TMC4: variants seen among roughly 807,000 people sequenced by gnomAD.
TMC4 encodes voltage-gated chloride channel TMC4.
Under a neutral mutation model 82.0 loss-of-function variants are expected in TMC4, and 70 were observed. That is an observed-to-expected ratio of 0.85 (90% CI 0.70 to 1.04). TMC4 has a LOEUF of 1.04. Among genes scored for constraint, TMC4 ranks in the 50% least tolerant of loss-of-function variants. The probability of loss-of-function intolerance (pLI) is 0.00; values close to 1 mark genes in which losing one functional copy is unlikely to be tolerated. For synonymous variants in TMC4, 446 were observed against 406.0 expected (o/e 1.10, Z -1.18); for missense variants, 879 against 899.0 (o/e 0.98, Z 0.28).
At position 54,168,780 on chromosome 19, in the gene TMC4, TTTCTTTTCTTTTC is replaced by T. The variant is rs1600580505; in HGVS notation, c.443-113_443-101del. 26 of 329,360 alleles carry T rather than the reference TTTCTTTTCTTTTC, an allele frequency of 7.9e-5. 2 individuals carry two copies. Among genetic ancestry groups the T allele is most frequent in the Middle Eastern group, 7.0e-4 (1 of 1,422 alleles). The allele number at this position is 329,360 out of a possible 1,614,324, so 20.4% of individuals were successfully genotyped here. ...GTCCAGCCGCGCCTTCCTTTCTTTC[TTTCTTTTCTTTTC>T]TTTCTTTTCTTTTCTTTTCTTTTCT... On this transcript the variant is annotated intron_variant, in intron 3 of 14. Coordinates refer to ENST00000619895, the MANE Select transcript of TMC4 (RefSeq NM_144686.4).
chr19:54,165,498 A>T lies in TMC4; in HGVS notation c.866T>A (p.Val289Glu). ...SEALTSYSHR[V>E]FSAWDFGLCG... ...GAGACCGAAGTCCCAGGCCGAGAAC[A>T]CCCGGTGGCTGTAGCTGGTCAGAGC... Residue 289 changes from valine to glutamate, a missense_variant, in exon 6 of 15, where the codon GTG (valine) becomes GAG (glutamate). Coordinates refer to ENST00000619895, the MANE Select transcript of TMC4 (RefSeq NM_144686.4). 6.2e-7 allele frequency: 1 copy of T among 1,612,912 alleles called. No individual in the cohort carries two copies. The highest frequency in any genetic ancestry group is 1.1e-5 in the South Asian group (1 of 90,992).
rs1600548727 is a variant in TMC4, at chr19:54,161,221, A to G, written c.1726T>C (p.Phe576Leu). The G allele has an allele frequency of 1.3e-6, 2 of 1,578,220 alleles. No individual in the cohort carries two copies. Among genetic ancestry groups the G allele is most frequent in the East Asian group, 4.5e-5 (2 of 44,478 alleles). ...AAGAAATTCGCCGCGGAGGCCCGGA[A>G]GGTGCGGGCAGCCGGGGAGCAGGTG... ...FSTCSPAART[F>L]RASAANFFFP... The change falls in exon 12 of 15, where the codon TTC (phenylalanine) becomes CTC (leucine). Residue 576 changes from phenylalanine (F) to leucine (L), a missense_variant. Phe to Leu is a conservative substitution (Grantham distance 22). Transcript: ENST00000619895.
intron 10 of TMC4, 116 bp from the exon 11 acceptor site, chr19:54,162,401 G>C (rs2075584982): frequency 2.5e-6 from 2 of 794,394 alleles, no homozygotes; most frequent in Non-Finnish European, 3.8e-6. Context: ...GGGGGGGGGG[G>C]GGCGGGACTT....
intron 10 of TMC4, 116 bp from the exon 11 acceptor site, chr19:54,162,401 G>T: frequency 1.3e-6 from 1 of 794,496 alleles, no homozygotes; most frequent in Non-Finnish European, 1.9e-6. Flanking sequence ...GGGGGGGGGG[G>T]GGCGGGACTT....
At position 54,162,284 on chromosome 19, in the gene TMC4, G is replaced by A; in HGVS notation, c.1504C>T (p.Leu502Phe). 2 of 1,564,314 alleles carry A rather than the reference G, an allele frequency of 1.3e-6. No homozygotes were observed. Among genetic ancestry groups the A allele is most frequent in the Non-Finnish European group, 1.7e-6 (2 of 1,157,412 alleles). The change falls in exon 11 of 15, where the codon CTC becomes TTC. Residue 502 changes from leucine (L) to phenylalanine (F), a missense_variant and splice_region_variant. By Grantham distance (22) the Leu-to-Phe change is conservative (BLOSUM62 0). Coordinates refer to ENST00000619895, the MANE Select transcript of TMC4 (RefSeq NM_144686.4). Reference protein sequence around the residue: ...VALLIQFPRKLLCGLCPGALG... With the variant: ...VALLIQFPRKFLCGLCPGALG... ...GCCCCAGGACAGAGGCCACAGAGGAGCCTGAAGGACGGGGCGGGGCCGGGC... is the reference window on the plus strand; with the variant it reads ...GCCCCAGGACAGAGGCCACAGAGGAACCTGAAGGACGGGGCGGGGCCGGGC...
At position 54,163,793 on chromosome 19, in the gene TMC4, G is replaced by T. The variant is rs773074209; in HGVS notation, c.1208C>A (p.Pro403His). 14 of 1,613,944 alleles carry T rather than the reference G, an allele frequency of 8.7e-6. No individual in the cohort carries two copies. In the South Asian group the frequency reaches 1.5e-4, roughly 18 times the overall value. The change falls in exon 8 of 15, where the codon CCC becomes CAC. Residue 403 changes from proline (P) to histidine (H), a missense_variant. Physicochemically the swap from Pro to His is moderately conservative, Grantham distance 77. Coordinates refer to ENST00000619895, the MANE Select transcript of TMC4 (RefSeq NM_144686.4). ...FIAGVNFVLPPVFKLIAPLEG... is the reference protein window; with the variant it reads ...FIAGVNFVLPHVFKLIAPLEG... ...CAGTGGAGCAATGAGCTTGAACACG[G>T]GCGGCAGCACAAAATTGACCCCAGC...
chr19:54,169,460 G>A (rs1210020414), intron 3 of TMC4, 52 bp downstream of exon 3: 1 of 1,528,800 alleles, frequency 6.5e-7, no homozygotes, highest in Non-Finnish European at 8.8e-7. Flanking sequence ...TCCTCCCTCA[G>A]ACCCAGGAGT....
intron 2 of TMC4, 59 bp from the exon 3 acceptor site, chr19:54,169,719 G>A: frequency 1.3e-6 from 2 of 1,594,656 alleles, no homozygotes; most frequent in Non-Finnish European, 1.7e-6. Flanking sequence ...GGAACCATCT[G>A]AATGTAGACA....
At chr19:54,166,378 CAA>C (rs997116702) in intron 5 of TMC4, among the ~76,000 whole-genome samples, 3 of 149,658 alleles carry the variant, frequency 2.0e-5, no homozygotes, top group Non-Finnish European at 4.4e-5. Flanking sequence ...TAAAGAGACT[CAA>C]GAGAGGGGGG....
At chr19:54,172,636 C>T (rs974813792) in intron 1 of TMC4, 4 of 281,650 alleles carry the variant, frequency 1.4e-5, no homozygotes, top group East Asian at 7.0e-5. Context: ...CCCAGGAGTC[C>T]GGGTGCCAGC....
chr19:54,164,556 T>C lies in TMC4; in HGVS notation c.991A>G (p.Thr331Ala), dbSNP rs1328090515. The C allele has an allele frequency of 1.2e-6, 2 of 1,613,790 alleles. No homozygotes were observed. Among genetic ancestry groups the C allele is most frequent in the Non-Finnish European group, 1.7e-6 (2 of 1,179,984 alleles). The change falls in exon 7 of 15, where the codon ACG becomes GCG. Residue 331 changes from threonine to alanine, a missense_variant. Physicochemically the swap from Thr to Ala is moderately conservative, Grantham distance 58. Transcript: ENST00000619895. ...TVVRRQAAVR[T>A]LGQQARVWLV... Reference sequence around the variant, plus strand: ...CAAACCCTGGCTTGCTGGCCCAGCGTCCGCACCGCAGCCTGGCGCCGCACC... The same window carrying C: ...CAAACCCTGGCTTGCTGGCCCAGCGCCCGCACCGCAGCCTGGCGCCGCACC...
chr19:54,168,112 C>T (rs2075748266), intron 5 of TMC4, 59 bp downstream of exon 5: 3 of 1,524,274 alleles, frequency 2.0e-6, no homozygotes, highest in Non-Finnish European at 2.7e-6. Context: ...CTGCCACCAC[C>T]ACTTGCTTCC....
chr19:54,164,123 C>T (rs1009987192), intron 7 of TMC4, among the ~76,000 whole-genome samples: 23 of 151,876 alleles, frequency 1.5e-4, no homozygotes, highest in Non-Finnish European at 2.5e-4. Flanking sequence ...TACAGGCGCC[C>T]ACCACCACGC....
chr19:54,163,405 G>T, intron 8 of TMC4: 1 of 629,432 alleles, frequency 1.6e-6, no homozygotes, highest in Non-Finnish European at 2.7e-6. Context: ...CCACCTCCCA[G>T]GCTCGAGCCA....
Position 54,164,522 on chromosome 19 carries a change from C to T in TMC4, c.1025G>A (p.Arg342Gln), listed in dbSNP as rs1477375361. ...LGQQARVWLV[R>Q]VLLNLLVVAL... is the part of the protein sequence containing the mutation. ...GACCACCAGCAGGTTGAGCAGCACC[C>T]GCACCAACCAAACCCTGGCTTGCTG... Residue 342 changes from arginine (R) to glutamine (Q), a missense_variant, in exon 7 of 15, where the codon CGG becomes CAG. Physicochemically the swap from Arg to Gln is conservative, Grantham distance 43. Transcript: ENST00000619895. 2 of 1,613,928 alleles carry T rather than the reference C, an allele frequency of 1.2e-6. No homozygotes were observed. The highest frequency in any genetic ancestry group is 1.7e-5 in the Admixed American group (1 of 60,006).
chr19:54,169,367 A>C (rs2075826596), intron 3 of TMC4, 145 bp downstream of exon 3: 1 of 1,080,682 alleles, frequency 9.3e-7, no homozygotes, highest in African/African-American at 1.6e-5. Context: ...AAGAGTCCAG[A>C]CCCCCAGCCC....
In TMC4 at chr19:54,168,194, G is replaced by A. The variant is rs949625726; in HGVS notation, c.774C>T (p.Ile258=). The A allele has an allele frequency of 1.9e-6, 3 of 1,603,812 alleles. No homozygotes were observed. Among genetic ancestry groups the A allele is most frequent in the Non-Finnish European group, 2.6e-6 (3 of 1,175,100 alleles). ...YLCWAFAVGL[I]CLLLILHRSV... ...ACCGATGCAGGATGAGCAGGAGGCA[G>A]ATGAGGCCAACGGCAAAGGCCCAGC... The change falls in exon 5 of 15, where the codon ATC becomes ATT. Residue 258 remains isoleucine, a synonymous_variant. Transcript: ENST00000619895.
chr19:54,168,732 G>A (rs1334529467), intron 3 of TMC4, 52 bp from the exon 4 acceptor site: 1 of 1,282,508 alleles, frequency 7.8e-7, no homozygotes, highest in Non-Finnish European at 1.0e-6. Context: ...AGCAGGACCA[G>A]CCCCTCCTAC....
intron 5 of TMC4, 53 bp from the exon 6 acceptor site, chr19:54,165,619 G>T (rs2075685339): frequency 3.8e-6 from 6 of 1,559,090 alleles, no homozygotes; most frequent in Admixed American, 3.5e-5. Context: ...AGGAACGGGG[G>T]TTATGGGGAG....
Sources: allele counts gnomAD v4.1 joint callset (sites outside exome capture counted in the v4.1 genomes callset), GRCh38; gene constraint gnomAD v4.1.1; transcripts MANE v1.5; gene names NCBI Gene and HGNC (gene_info 2026-07-23, HGNC 2026-07-21).